PARD3B: variants seen among roughly 807,000 people sequenced by gnomAD.
PARD3B encodes partitioning defective 3 homolog B.
In PARD3B, 103 loss-of-function variants were observed where a neutral mutation model predicts 130.2. The observed-to-expected ratio is 0.79, with a 90% CI of 0.67 to 0.93. PARD3B has a LOEUF of 0.93. PARD3B is among the 40% of genes least tolerant of loss of function. The pLI, the probability that PARD3B is intolerant of heterozygous loss-of-function variation, is 0.00. For missense variants in PARD3B, 1,609 were observed against 1,499.2 expected (o/e 1.07, Z -1.21); for synonymous variants, 583 against 553.2 (o/e 1.05, Z -0.76).
intron 21 of PARD3B, among the ~76,000 whole-genome samples, chr2:205,529,789 G>A (rs536648259): frequency 2.0e-5 from 3 of 152,258 alleles, no homozygotes; most frequent in East Asian, 3.9e-4. Flanking sequence ...GCTGATCTAC[G>A]AGGGTTTTCT....
intron 2 of PARD3B, among the ~76,000 whole-genome samples, chr2:204,911,909 A>C (rs994852061): frequency 2.0e-5 from 3 of 152,080 alleles, no homozygotes; most frequent in Admixed American, 2.0e-4. Flanking sequence ...AAGCTGGAAA[A>C]AATGAAACTA....
Position 205,458,290 on chromosome 2 carries a change from T to C in PARD3B, c.3044+17618T>C, listed in dbSNP as rs2048339140. ...TCCTCTCCTCTTCTTCCTCTTGTCT[T>C]CCTCCTCGTCTTCCATTTTCTTCTG... On this transcript the variant is annotated intron_variant, in intron 20 of 22. Transcript: ENST00000406610. This position sits in a 1 kb window ranked among gnomAD's most constrained non-coding sequence, Gnocchi z 4.8. 6.6e-6 allele frequency among the ~76,000 whole-genome samples: 1 copy of C among 152,084 alleles called. No homozygotes were observed. The highest frequency in any genetic ancestry group is 2.4e-5 in the African/African-American group (1 of 41,438).
At chr2:205,574,289 G>A (rs142775546) in intron 22 of PARD3B, among the ~76,000 whole-genome samples, 1 of 152,232 alleles carries the variant, frequency 6.6e-6, no homozygotes, top group East Asian at 1.9e-4. Context: ...GGCAGACAAC[G>A]AACAAGACAA....
chr2:204,668,759 A>G (rs960402302), intron 1 of PARD3B, among the ~76,000 whole-genome samples: 1 of 152,218 alleles, frequency 6.6e-6, no homozygotes, highest in Non-Finnish European at 1.5e-5. Flanking sequence ...TCCCTAGAAC[A>G]TTTGTATATG....
At chr2:205,156,319 G>A (rs867134834) in intron 10 of PARD3B, among the ~76,000 whole-genome samples, 12 of 150,832 alleles carry the variant, frequency 8.0e-5, no homozygotes, top group East Asian at 3.9e-4. Flanking sequence ...GCTAAATGAC[G>A]AGTTAATGGG....
At chr2:205,370,419 G>A (rs2044766795) in intron 18 of PARD3B, among the ~76,000 whole-genome samples, 2 of 152,198 alleles carry the variant, frequency 1.3e-5, no homozygotes, top group African/African-American at 4.8e-5. Context: ...AGATTTTTAT[G>A]AAGTGAAGTT....
chr2:204,672,931 G>A (rs1260776494), intron 1 of PARD3B, among the ~76,000 whole-genome samples: 1 of 152,210 alleles, frequency 6.6e-6, no homozygotes, highest in Non-Finnish European at 1.5e-5. Flanking sequence ...ATCAGAAATG[G>A]CGCTGCCTTT....
rs1698000566 is a variant in PARD3B, at chr2:205,037,078, TAAAA to T, written c.395-10502_395-10499del. ...ATACATATGTAGCGGACTGTATATA[TAAAA>T]CAAATATACATATATAGCGGACTGT... On this transcript the variant is annotated intron_variant, in intron 3 of 22. Transcript: ENST00000406610. Among the ~76,000 whole-genome samples the T allele has an allele frequency of 6.9e-5, 9 of 130,844 alleles. No homozygotes were observed. The South Asian group carries it at 2.2e-3, about 31-fold the overall frequency. 85.8% of individuals were successfully genotyped at this position (130,844 alleles called of 152,430 possible).
At chr2:204,933,078 G>A (rs1391814557) in intron 2 of PARD3B, among the ~76,000 whole-genome samples, 1 of 152,170 alleles carries the variant, frequency 6.6e-6, no homozygotes, top group South Asian at 2.1e-4. Context: ...TTGGTGTGAA[G>A]AACTGATTGC....
At chr2:204,805,570 A>G (rs981393661) in intron 2 of PARD3B, among the ~76,000 whole-genome samples, 4 of 152,112 alleles carry the variant, frequency 2.6e-5, no homozygotes, top group East Asian at 1.9e-4. Context: ...TTTGAGGCCA[A>G]TATTGCCCTG....
chr2:205,542,179 T>TGTTTG (rs985630537), intron 21 of PARD3B, among the ~76,000 whole-genome samples: 8 of 137,734 alleles, frequency 5.8e-5, no homozygotes, highest in Non-Finnish European at 9.3e-5. Flanking sequence ...AAAAAGTATA[T>TGTTTG]GTTTGGGATC....
At chr2:204,821,312 A>C (rs2043342671) in intron 2 of PARD3B, among the ~76,000 whole-genome samples, 1 of 152,150 alleles carries the variant, frequency 6.6e-6, no homozygotes, top group Non-Finnish European at 1.5e-5. Context: ...AATGTCCAAC[A>C]ATGATAGACT....
intron 21 of PARD3B, among the ~76,000 whole-genome samples, chr2:205,518,658 G>A (rs1422122593): frequency 6.6e-6 from 1 of 151,988 alleles, no homozygotes; most frequent in African/African-American, 2.4e-5. Flanking sequence ...TTGTTTGTGG[G>A]GTTGCTTTAT....
At chr2:204,625,514 G>A (rs969648445) in intron 1 of PARD3B, among the ~76,000 whole-genome samples, 16 of 152,182 alleles carry the variant, frequency 1.1e-4, no homozygotes, top group African/African-American at 3.6e-4. Context: ...GTCTCTTGAA[G>A]CATTGACAAT....
rs374343504 is a variant in PARD3B at position 204,780,579 on chromosome 2, C to G, written c.222+94297C>G. 2.6e-5 allele frequency among the ~76,000 whole-genome samples: 4 copies of G among 152,240 alleles called. No homozygotes were observed. The East Asian group carries it at 7.7e-4, about 29-fold the overall frequency. On this transcript the variant is annotated intron_variant, in intron 2 of 22. Coordinates refer to ENST00000406610, the MANE Select transcript of PARD3B (RefSeq NM_001302769.2). ...TTCTGTTTATTTGTTATGAAGCTTT[C>G]TCACAAACAATCTCTTTTTCCCCCA...
At chr2:205,483,651 A>T (rs2049326593) in intron 20 of PARD3B, among the ~76,000 whole-genome samples, 1 of 152,168 alleles carries the variant, frequency 6.6e-6, no homozygotes, top group African/African-American at 2.4e-5. Context: ...GGTATTAAAA[A>T]GCATCTTTGA....
intron 19 of PARD3B, among the ~76,000 whole-genome samples, chr2:205,438,001 C>G (rs2047577835): frequency 6.6e-6 from 1 of 151,984 alleles, no homozygotes; most frequent in Non-Finnish European, 1.5e-5. Context: ...CCGTCTTGGT[C>G]TCTTCTGCCA....
intron 22 of PARD3B, among the ~76,000 whole-genome samples, chr2:205,553,751 A>C (rs563942373): frequency 6.6e-5 from 10 of 152,168 alleles, no homozygotes; most frequent in Non-Finnish European, 1.3e-4. Context: ...GGAGTTACGC[A>C]CGAGGAATGG....
chr2:205,252,932 G>A (rs2039922298), intron 16 of PARD3B, among the ~76,000 whole-genome samples: 1 of 148,290 alleles, frequency 6.7e-6, no homozygotes, highest in African/African-American at 2.5e-5. Context: ...GATTAGCAAT[G>A]GAAGGGGAAA....
Sources: gnomAD v4.1 joint callset for allele counts (sites outside exome capture counted in the v4.1 genomes callset) on GRCh38, gnomAD v4.1.1 for gene constraint, Gnocchi (gnomAD v3.1) non-coding constraint, MANE v1.5 for transcripts, NCBI Gene and HGNC (gene_info 2026-07-23, HGNC 2026-07-21) for gene names.